HIVEP3: variants seen among roughly 807,000 people sequenced by gnomAD.
HIVEP3 encodes HIVEP zinc finger 3.
A neutral mutation model predicts 152.8 loss-of-function variants in HIVEP3; 49 were observed. That is an observed-to-expected ratio of 0.32 (90% CI 0.26 to 0.41). The LOEUF is 0.41. HIVEP3 is among the 10% of genes least tolerant of loss of function. The pLI, the probability that HIVEP3 is intolerant of heterozygous loss-of-function variation, is 1.00. For synonymous variants in HIVEP3, 1,269 were observed against 1,289.0 expected, an observed-to-expected ratio of 0.98 and a Z score of 0.33; for missense variants, 2,790 against 3,103.3, an observed-to-expected ratio of 0.90 and a Z score of 2.40.
chr1:42,010,785 G>C (rs1645488551), intron 1 of HIVEP3, among the ~76,000 whole-genome samples: 1 of 152,060 alleles, frequency 6.6e-6, no homozygotes, highest in Non-Finnish European at 1.5e-5. Flanking sequence ...AGAAAGGAAA[G>C]AGCTACTTAA....
intron 1 of HIVEP3, among the ~76,000 whole-genome samples, chr1:41,794,669 T>A (rs536571916): frequency 9.8e-5 from 15 of 152,360 alleles, no homozygotes; most frequent in African/African-American, 3.1e-4. Flanking sequence ...AAAATGGTTA[T>A]CTCATTATTG....
At chr1:41,824,742 AATATATATATATAT>A (rs375409601) in intron 1 of HIVEP3, among the ~76,000 whole-genome samples, 8,595 of 74,842 alleles carry the variant, frequency 0.11, 565 homozygotes, top group East Asian at 0.14. Context: ...TTCCAAGTTA[AATATATATATATAT>A]ATATATATAT....
intron 1 of HIVEP3, among the ~76,000 whole-genome samples, chr1:41,829,784 C>T (rs496684): frequency 0.11 from 16,582 of 151,182 alleles, 1,144 homozygotes; most frequent in East Asian, 0.27. Context: ...AAAAATGTTG[C>T]CTTCATGTTC....
At chr1:41,644,609 T>A (rs1570201718) in intron 2 of HIVEP3, among the ~76,000 whole-genome samples, 1 of 152,052 alleles carries the variant, frequency 6.6e-6, no homozygotes, top group Non-Finnish European at 1.5e-5. Context: ...GATCCCCTTT[T>A]GATTACTGAA....
intron 1 of HIVEP3, among the ~76,000 whole-genome samples, chr1:41,750,206 G>T (rs1035483152): frequency 1.3e-5 from 2 of 152,196 alleles, no homozygotes; most frequent in African/African-American, 4.8e-5. Context: ...TCTCTGTAAT[G>T]ATTAAACAAA....
chr1:41,835,536 A>G (rs1643096164), intron 1 of HIVEP3, among the ~76,000 whole-genome samples: 1 of 152,260 alleles, frequency 6.6e-6, no homozygotes, highest in African/African-American at 2.4e-5. Context: ...AACATATTTT[A>G]AAGTAACACG....
chr1:41,842,258 C>T (rs1455267080), intron 1 of HIVEP3, among the ~76,000 whole-genome samples: 1 of 152,106 alleles, frequency 6.6e-6, no homozygotes, highest in African/African-American at 2.4e-5. Flanking sequence ...ATAACAGATG[C>T]AACTCTAAAA....
intron 2 of HIVEP3, among the ~76,000 whole-genome samples, chr1:41,656,461 T>G (rs1204845062): frequency 6.6e-6 from 1 of 152,214 alleles, no homozygotes; most frequent in Non-Finnish European, 1.5e-5. Flanking sequence ...CTTTGTGGGC[T>G]GGAACCATCT....
chr1:41,739,361 G>A (rs1329966797), intron 1 of HIVEP3, among the ~76,000 whole-genome samples: 1 of 152,218 alleles, frequency 6.6e-6, no homozygotes, highest in Non-Finnish European at 1.5e-5. Flanking sequence ...GGTGGCAGCC[G>A]TAGGCCTAAC....
chr1:41,696,220 C>T (rs576737209), intron 2 of HIVEP3, among the ~76,000 whole-genome samples: 1 of 152,370 alleles, frequency 6.6e-6, no homozygotes, highest in East Asian at 1.9e-4. Context: ...AAGTCTCTCT[C>T]AGCTGTTCCA....
intron 2 of HIVEP3, among the ~76,000 whole-genome samples, chr1:41,642,317 C>A (rs1487912055): frequency 6.6e-6 from 1 of 152,248 alleles, no homozygotes; most frequent in Non-Finnish European, 1.5e-5. Flanking sequence ...TCGGCATCAA[C>A]ACTCCCCTGC....
At chr1:41,811,862 T>A (rs924834672) in intron 1 of HIVEP3, among the ~76,000 whole-genome samples, 1 of 152,038 alleles carries the variant, frequency 6.6e-6, no homozygotes, top group African/African-American at 2.4e-5. Flanking sequence ...TCCATACAAT[T>A]AATATAAAGA....
At chr1:41,832,745 A>G (rs1303561138) in intron 1 of HIVEP3, among the ~76,000 whole-genome samples, 1 of 152,234 alleles carries the variant, frequency 6.6e-6, no homozygotes, top group African/African-American at 2.4e-5. Flanking sequence ...TAATCTTCAC[A>G]ACAATCTCTG....
intron 1 of HIVEP3, among the ~76,000 whole-genome samples, chr1:41,895,397 G>A (rs1227687439): frequency 4.6e-5 from 7 of 152,146 alleles, no homozygotes; most frequent in African/African-American, 1.7e-4. Flanking sequence ...ACAATGGGCT[G>A]TTCAGATCCA....
At chr1:41,750,467 T>C (rs1308378045) in intron 1 of HIVEP3, among the ~76,000 whole-genome samples, 2 of 152,220 alleles carry the variant, frequency 1.3e-5, no homozygotes, top group Admixed American at 1.3e-4. Context: ...TCTGGGAACC[T>C]TGTTACAAGG....
intron 1 of HIVEP3, among the ~76,000 whole-genome samples, chr1:41,877,702 A>G (rs1205930580): frequency 6.6e-6 from 1 of 152,126 alleles, no homozygotes; most frequent in African/African-American, 2.4e-5. Flanking sequence ...ATGTTAAAGG[A>G]GACCCATATT....
At chr1:41,791,454 C>T (rs1227768618) in intron 1 of HIVEP3, among the ~76,000 whole-genome samples, 1 of 152,190 alleles carries the variant, frequency 6.6e-6, no homozygotes, top group Non-Finnish European at 1.5e-5. Context: ...TTGAAAGGAG[C>T]ACAGATGGCT....
intron 1 of HIVEP3, among the ~76,000 whole-genome samples, chr1:41,857,241 C>T (rs1643793227): frequency 1.3e-5 from 2 of 152,154 alleles, no homozygotes; most frequent in African/African-American, 4.8e-5. Context: ...GCCAAGGTCC[C>T]GGCTTCTCTC....
At position 41,584,621 on chromosome 1, in the gene HIVEP3, G is replaced by A. The variant is rs1265932677; in HGVS notation, c.177C>T (p.Phe59=). ...PAQELLAPQP[F]PGPSSVLREG... Reference sequence around the variant, plus strand: ...CCCTAAGAACTGATGAGGGGCCCGGGAAGGGCTGCGGGGCTAAGAGCTCTT... The same window carrying A: ...CCCTAAGAACTGATGAGGGGCCCGGAAAGGGCTGCGGGGCTAAGAGCTCTT... Residue 59 remains phenylalanine (F), a synonymous_variant, in exon 4 of 9, where the codon TTC becomes TTT. Coordinates refer to ENST00000372583, the MANE Select transcript of HIVEP3 (RefSeq NM_024503.5). The surrounding 1 kb of genome is among the most constrained non-coding windows in gnomAD (Gnocchi z 5.2). The A allele has an allele frequency of 2.5e-6, 4 of 1,609,878 alleles. No homozygotes were observed. In the East Asian group the frequency reaches 6.7e-5, roughly 27 times the overall value.
Sources: gnomAD v4.1 joint callset for allele counts (sites outside exome capture counted in the v4.1 genomes callset) on GRCh38, gnomAD v4.1.1 for gene constraint, Gnocchi (gnomAD v3.1) non-coding constraint, MANE v1.5 for transcripts, NCBI Gene and HGNC (gene_info 2026-07-23, HGNC 2026-07-21) for gene names.